Variants in PTK2 observed in about 807,000 individuals in gnomAD.
PTK2 encodes the protein protein tyrosine kinase 2.
PTK2 carries 45 observed loss-of-function variants against 150.1 expected under a neutral mutation model. That is an observed-to-expected ratio of 0.30 (90% confidence interval 0.24 to 0.38). The LOEUF (loss-of-function observed/expected upper bound fraction) is 0.38. Among genes scored for constraint, PTK2 ranks in the 10% least tolerant of loss-of-function variants. PTK2 has a pLI of 1.00. For synonymous variants in PTK2, 432 were observed against 449.2 expected (o/e 0.96, Z 0.48); for missense variants, 919 against 1,307.3 (o/e 0.70, Z 4.58).
At chr8:140,969,091 A>G (rs1046920315) in intron 1 of PTK2, among the ~76,000 whole-genome samples, 1 of 152,232 alleles carries the variant, frequency 6.6e-6, no homozygotes, top group Non-Finnish European at 1.5e-5. Context: ...TAACTGCAGA[A>G]GCTATTTGAG....
intron 14 of PTK2, among the ~76,000 whole-genome samples, chr8:140,777,481 C>T (rs2100079117): frequency 6.6e-6 from 1 of 152,248 alleles, no homozygotes; most frequent in Non-Finnish European, 1.5e-5. Context: ...CAAGCACCAT[C>T]CACCAGGCCC....
chr8:140,965,351 G>A (rs1253610039), intron 1 of PTK2, among the ~76,000 whole-genome samples: 3 of 152,080 alleles, frequency 2.0e-5, no homozygotes, highest in Non-Finnish European at 2.9e-5. Context: ...ACATGTGGTA[G>A]GGGCTGTTCT....
At chr8:140,671,889 A>G (rs1301817986) in intron 29 of PTK2, among the ~76,000 whole-genome samples, 1 of 136,102 alleles carries the variant, frequency 7.3e-6, no homozygotes, top group African/African-American at 2.7e-5. Context: ...CCAAGATCGC[A>G]CCACTGCACT....
At chr8:140,707,317 C>T (rs1373616028) in intron 23 of PTK2, among the ~76,000 whole-genome samples, 3 of 152,246 alleles carry the variant, frequency 2.0e-5, no homozygotes, top group Admixed American at 6.5e-5. Context: ...GTGGATCACA[C>T]GGTGAGACCC....
chr8:140,981,513 T>C (rs1480823799), intron 1 of PTK2, among the ~76,000 whole-genome samples: 2 of 152,088 alleles, frequency 1.3e-5, no homozygotes, highest in Non-Finnish European at 2.9e-5. Context: ...GTTTGCTTTG[T>C]TATCACCCTC....
At chr8:140,659,829 A>G in intron 31 of PTK2, 151 bp from the exon 36 acceptor site, 1 of 679,544 alleles carries the variant, frequency 1.5e-6, no homozygotes, top group East Asian at 2.7e-5. Flanking sequence ...AGCTGGGAAC[A>G]CAGGCACATG....
At chr8:140,707,992 TA>T (rs2100034744) in intron 23 of PTK2, among the ~76,000 whole-genome samples, 2 of 152,208 alleles carry the variant, frequency 1.3e-5, no homozygotes, top group African/African-American at 4.8e-5. Flanking sequence ...TTCCAGGTCT[TA>T]AATTCTCATT....
intron 14 of PTK2, among the ~76,000 whole-genome samples, chr8:140,769,827 T>C (rs1424125344): frequency 3.9e-5 from 6 of 152,236 alleles, no homozygotes; most frequent in Non-Finnish European, 7.3e-5. Flanking sequence ...AAGCTGTCAA[T>C]GTATTACATG....
intron 4 of PTK2, among the ~76,000 whole-genome samples, chr8:140,874,868 T>C (rs182934680): frequency 6.6e-6 from 1 of 152,316 alleles, no homozygotes; most frequent in East Asian, 1.9e-4. Context: ...TACACATGCA[T>C]TATCAATATA....
chr8:140,662,747 T>C, intron 31 of PTK2: 1 of 590,932 alleles, frequency 1.7e-6, no homozygotes, highest in Middle Eastern at 2.6e-4. Flanking sequence ...TCTCTGGGTA[T>C]GATGCTGAGA....
chr8:140,695,846 T>C (rs1029523855), intron 26 of PTK2, among the ~76,000 whole-genome samples: 16 of 152,208 alleles, frequency 1.1e-4, no homozygotes, highest in Non-Finnish European at 1.5e-5. Context: ...CCTCTCCAGA[T>C]CCACTGCAGT....
intron 3 of PTK2, among the ~76,000 whole-genome samples, chr8:140,886,533 A>T (rs1215168949): frequency 6.6e-6 from 1 of 152,172 alleles, no homozygotes; most frequent in East Asian, 1.9e-4. Flanking sequence ...GAGGTACAAG[A>T]CAGCATACAA....
intron 24 of PTK2, among the ~76,000 whole-genome samples, chr8:140,705,122 TAA>T (rs1315534982): frequency 6.6e-6 from 1 of 152,208 alleles, no homozygotes; most frequent in Non-Finnish European, 1.5e-5. Context: ...GGCGGCTAGA[TAA>T]AGAGGCTAAA....
chr8:140,877,959 G>C (rs1056699583), intron 4 of PTK2, among the ~76,000 whole-genome samples: 2 of 152,152 alleles, frequency 1.3e-5, no homozygotes, highest in Admixed American at 1.3e-4. Flanking sequence ...CAAGATAATA[G>C]ACTTGTGTTA....
chr8:140,697,766 T>C (rs1178940333), intron 26 of PTK2, among the ~76,000 whole-genome samples: 1 of 152,022 alleles, frequency 6.6e-6, no homozygotes, highest in African/African-American at 2.4e-5. Flanking sequence ...TTGTATGTCT[T>C]GTAATTTTTT....
rs1037161998 is a variant in PTK2, at chr8:140,715,169, T to G, written c.2142+2429A>C. ...CCATTAAAACCGTTTTTTTTTTTTT[T>G]TTTTTTTTTTTTTTTTTTTTTTTGA... On this transcript the variant is annotated intron_variant, in intron 23 of 31. Transcript: ENST00000522684. Among the ~76,000 whole-genome samples the G allele has an allele frequency of 7.2e-3, 885 of 122,638 alleles. 114 individuals are homozygous for G. Among genetic ancestry groups the G allele is most frequent in the African/African-American group, 0.026 (809 of 31,062 alleles). 80.5% of individuals were successfully genotyped at this position (122,638 alleles called of 152,430 possible).
intron 12 of PTK2, 144 bp downstream of exon 12, chr8:140,800,315 A>G: frequency 1.4e-6 from 1 of 707,014 alleles, no homozygotes; most frequent in Non-Finnish European, 2.5e-6. Context: ...TAGAAAAATA[A>G]GTCCTCAGAT....
chr8:140,724,756 G>C (rs2100044820), intron 22 of PTK2, among the ~76,000 whole-genome samples: 1 of 152,174 alleles, frequency 6.6e-6, no homozygotes, highest in Non-Finnish European at 1.5e-5. Context: ...TCACCACAAA[G>C]GAATGGAATT....
intron 10 of PTK2, among the ~76,000 whole-genome samples, chr8:140,808,595 A>T (rs2100099497): frequency 6.6e-6 from 1 of 152,220 alleles, no homozygotes; most frequent in Non-Finnish European, 1.5e-5. Flanking sequence ...CTCATAAGCC[A>T]ATATGAAATT....
Sources: gnomAD v4.1 joint callset for allele counts (sites outside exome capture counted in the v4.1 genomes callset) on GRCh38, gnomAD v4.1.1 for gene constraint, MANE v1.5 for transcripts, NCBI Gene and HGNC (gene_info 2026-07-23, HGNC 2026-07-21) for gene names.